Variants in PTK2 observed in about 807,000 individuals in gnomAD.
PTK2 encodes the protein focal adhesion kinase 1.
A neutral mutation model predicts 150.1 loss-of-function variants in PTK2; 45 were observed. The ratio of observed to expected loss-of-function variants is 0.30; its 90% confidence interval spans 0.24 to 0.38. The LOEUF is 0.38. Among genes scored for constraint, PTK2 ranks in the 10% least tolerant of loss-of-function variants. The probability of loss-of-function intolerance (pLI) is 1.00; values close to 1 mark genes in which losing one functional copy is unlikely to be tolerated. For synonymous variants in PTK2, 432 were observed against 449.2 expected (o/e 0.96, Z 0.48); for missense variants, 919 against 1,307.3 (o/e 0.70, Z 4.58).
intron 7 of PTK2, among the ~76,000 whole-genome samples, chr8:140,834,447 A>G (rs1260476934): frequency 6.6e-6 from 1 of 152,200 alleles, no homozygotes; most frequent in East Asian, 1.9e-4. Flanking sequence ...TATACATAGC[A>G]GAGGGCTTCT....
At chr8:140,993,158 A>G (rs1004563714) in intron 1 of PTK2, among the ~76,000 whole-genome samples, 1 of 152,216 alleles carries the variant, frequency 6.6e-6, no homozygotes, top group African/African-American at 2.4e-5. Context: ...CCCAAGTCTG[A>G]TAGTAGTAAT....
chr8:140,800,538 C>T, exon 12 of PTK2: 1 of 1,613,876 alleles, frequency 6.2e-7, no homozygotes, highest in South Asian at 1.1e-5. Context: ...CAGCCATATT[C>T]TCCGCAATGG....
At chr8:140,798,998 G>C (rs556192056) in intron 12 of PTK2, among the ~76,000 whole-genome samples, 2 of 152,268 alleles carry the variant, frequency 1.3e-5, no homozygotes, top group Non-Finnish European at 2.9e-5. Flanking sequence ...GAAAACTTAG[G>C]AAAAATATAT....
At chr8:140,960,020 G>GAA (rs1194218646) in intron 1 of PTK2, among the ~76,000 whole-genome samples, 2 of 120,996 alleles carry the variant, frequency 1.7e-5, no homozygotes, top group African/African-American at 6.0e-5. Context: ...GTCTCAAAAA[G>GAA]AAAAAAAAAA....
intron 12 of PTK2, among the ~76,000 whole-genome samples, chr8:140,793,931 G>A (rs2100090071): frequency 6.6e-6 from 1 of 152,196 alleles, no homozygotes. Flanking sequence ...ACAGTTCAGG[G>A]TGAGCTCCCT....
chr8:140,942,896 T>C (rs767389450), intron 1 of PTK2, among the ~76,000 whole-genome samples: 4 of 152,148 alleles, frequency 2.6e-5, no homozygotes, highest in Non-Finnish European at 4.4e-5. Flanking sequence ...CTTAGTGCCA[T>C]TCCCTTGGTG....
intron 26 of PTK2, among the ~76,000 whole-genome samples, chr8:140,694,034 TTTC>T (rs1241392169): frequency 6.6e-6 from 1 of 150,450 alleles, no homozygotes; most frequent in Non-Finnish European, 1.5e-5. Context: ...CTTTTTTTCT[TTTC>T]TTTTCTTTTT....
intron 12 of PTK2, among the ~76,000 whole-genome samples, chr8:140,794,688 C>T (rs1451102124): frequency 6.6e-6 from 1 of 152,194 alleles, no homozygotes; most frequent in African/African-American, 2.4e-5. Context: ...GGCACCTCTT[C>T]GTCTTCTTTA....
chr8:140,962,218 T>TA (rs1472473758), intron 1 of PTK2, among the ~76,000 whole-genome samples: 10 of 67,326 alleles, frequency 1.5e-4, no homozygotes, highest in East Asian at 3.5e-4. Context: ...GTCTCAAAAT[T>TA]TAAAAAAAAA....
At chr8:140,908,117 A>G (rs1013404812) in intron 2 of PTK2, among the ~76,000 whole-genome samples, 3 of 152,200 alleles carry the variant, frequency 2.0e-5, no homozygotes, top group African/African-American at 7.2e-5. Flanking sequence ...TACAAATGCT[A>G]CTCCACTGAA....
intron 30 of PTK2, among the ~76,000 whole-genome samples, chr8:140,667,301 T>A (rs1014876227): frequency 1.3e-5 from 2 of 152,208 alleles, no homozygotes; most frequent in Non-Finnish European, 2.9e-5. Context: ...AAAAAAAGTA[T>A]GTTCGAGTAT....
At chr8:140,752,449 G>C in intron 16 of PTK2, 133 bp from the exon 20 acceptor site, 1 of 687,768 alleles carries the variant, frequency 1.5e-6, no homozygotes. Flanking sequence ...AAAATCTCAA[G>C]AATGAGAGGG....
chr8:140,842,758 CA>C, intron 7 of PTK2, among the ~76,000 whole-genome samples: 1 of 152,030 alleles, frequency 6.6e-6, no homozygotes, highest in Non-Finnish European at 1.5e-5. Context: ...GAGGGGACAG[CA>C]AAATAAGCAC....
intron 12 of PTK2, 49 bp from the exon 13 acceptor site, chr8:140,793,433 GA>G: frequency 1.9e-6 from 3 of 1,588,972 alleles, no homozygotes; most frequent in Admixed American, 1.8e-5. Context: ...CACTCCTTTT[GA>G]AAAGATGGTG....
chr8:140,994,469 C>G (rs1470468079), intron 1 of PTK2, among the ~76,000 whole-genome samples: 2 of 152,168 alleles, frequency 1.3e-5, no homozygotes, highest in Non-Finnish European at 2.9e-5. Flanking sequence ...ATATTTCAAA[C>G]TTTCTCATTA....
intron 26 of PTK2, chr8:140,687,025 A>G (rs1222650259): frequency 3.9e-5 from 11 of 279,902 alleles, no homozygotes; most frequent in Non-Finnish European, 3.4e-5. Context: ...TAAAAATATC[A>G]GGCATTACTT....
chr8:140,668,462 GC>G, intron 29 of PTK2, 38 bp from the exon 34 acceptor site: 1 of 1,577,374 alleles, frequency 6.3e-7, no homozygotes, highest in South Asian at 1.2e-5. Context: ...CTGCTCTCCA[GC>G]AGATGGCGTG....
At chr8:140,708,442 T>C (rs1017103749) in intron 23 of PTK2, among the ~76,000 whole-genome samples, 1 of 152,218 alleles carries the variant, frequency 6.6e-6, no homozygotes, top group Non-Finnish European at 1.5e-5. Context: ...CATAAACATA[T>C]GTCCTCTGCT....
chr8:140,809,005 T>C (rs1156856937), intron 10 of PTK2, among the ~76,000 whole-genome samples: 1 of 152,118 alleles, frequency 6.6e-6, no homozygotes, highest in East Asian at 1.9e-4. Context: ...AGTGCTGGGA[T>C]TACAGGCATG....
Sources: allele counts gnomAD v4.1 joint callset (sites outside exome capture counted in the v4.1 genomes callset), GRCh38; gene constraint gnomAD v4.1.1; transcripts MANE v1.5; gene names NCBI Gene and HGNC (gene_info 2026-07-23, HGNC 2026-07-21).